The following HDAC9 variants were observed in gnomAD, a reference collection of about 807,000 sequenced individuals.
The protein encoded by HDAC9 is histone deacetylase 9, also known as MEF-2 interacting transcription repressor (MITR) protein.
Under a neutral mutation model 139.4 loss-of-function variants are expected in HDAC9, and 41 were observed. The ratio of observed to expected loss-of-function variants is 0.29; its 90% CI spans 0.23 to 0.38. HDAC9 has a LOEUF of 0.38. Among genes scored for constraint, HDAC9 ranks in the 10% least tolerant of loss-of-function variants. The probability of loss-of-function intolerance (pLI) is 1.00; values close to 1 mark genes in which losing one functional copy is unlikely to be tolerated. For missense variants in HDAC9, 1,147 were observed against 1,297.0 expected (o/e 0.88, Z 1.78); for synonymous variants, 517 against 476.2 (o/e 1.09, Z -1.12).
chr7:18,959,474 C>T (rs140394148), intron 24 of HDAC9, among the ~76,000 whole-genome samples: 1 of 152,248 alleles, frequency 6.6e-6, no homozygotes, highest in East Asian at 1.9e-4. Flanking sequence ...GAAACATATA[C>T]ATGCACAAGG....
At position 18,568,026 on chromosome 7, in the gene HDAC9, G is replaced by GTGTA. The variant is rs1384273199; in HGVS notation, c.23-17254_23-17253insGTAT. Reference sequence around the variant, plus strand: ...TTATACATACAGGATATATGTATATGTATATATATATATATATATATATAT... The same window carrying GTGTA: ...TTATACATACAGGATATATGTATATGTGTATATATATATATATATATATATATAT... On this transcript the variant is annotated intron_variant, in intron 2 of 25. Coordinates refer to ENST00000686413, the MANE Select transcript of HDAC9 (RefSeq NM_178425.4). Among the ~76,000 whole-genome samples the GTGTA allele has an allele frequency of 1.3e-3, 168 of 126,806 alleles. 2 individuals carry two copies. The South Asian group carries it at 0.034, about 26-fold the overall frequency. 83.2% of individuals were successfully genotyped at this position (126,806 alleles called of 152,430 possible).
chr7:18,232,743 A>T (rs1793547779), intron 2 of HDAC9, among the ~76,000 whole-genome samples: 1 of 152,220 alleles, frequency 6.6e-6, no homozygotes, highest in South Asian at 2.1e-4. Context: ...GTTCAGGGAC[A>T]CAGGTTGTTG....
chr7:18,206,930 C>CTTTTT (rs58248823), intron 2 of HDAC9, among the ~76,000 whole-genome samples: 12 of 124,544 alleles, frequency 9.6e-5, no homozygotes, highest in African/African-American at 1.2e-4. Context: ...GATATCTTTT[C>CTTTTT]TTTTTTTTTT....
chr7:18,698,715 T>C (rs1783238040), intron 12 of HDAC9, among the ~76,000 whole-genome samples: 1 of 152,204 alleles, frequency 6.6e-6, no homozygotes, highest in African/African-American at 2.4e-5. Flanking sequence ...CCCTGTCCAA[T>C]GGAAGTGACT....
At chr7:18,881,665 T>C (rs1480300638) in intron 22 of HDAC9, among the ~76,000 whole-genome samples, 1 of 152,162 alleles carries the variant, frequency 6.6e-6, no homozygotes, top group Non-Finnish European at 1.5e-5. Context: ...ACTTAAATGC[T>C]TCACTAATTA....
intron 21 of HDAC9, among the ~76,000 whole-genome samples, chr7:18,860,655 G>A (rs764469681): frequency 5.3e-4 from 80 of 151,560 alleles, no homozygotes; most frequent in Non-Finnish European, 9.3e-4. Context: ...GATAAAATTA[G>A]AAGGAAATAA....
At chr7:18,183,291 G>C (rs1192380618) in intron 2 of HDAC9, among the ~76,000 whole-genome samples, 1 of 152,174 alleles carries the variant, frequency 6.6e-6, no homozygotes, top group East Asian at 1.9e-4. Context: ...TTACAGGCGT[G>C]AGCCACGGCG....
At chr7:18,870,771 T>C (rs1415284626) in intron 21 of HDAC9, among the ~76,000 whole-genome samples, 1 of 152,120 alleles carries the variant, frequency 6.6e-6, no homozygotes, top group East Asian at 1.9e-4. Context: ...ACTCCTAGGC[T>C]CAAACAATCC....
intron 25 of HDAC9, among the ~76,000 whole-genome samples, chr7:18,994,291 G>GTAT (rs1406327791): frequency 4.6e-5 from 7 of 152,190 alleles, no homozygotes; most frequent in South Asian, 2.1e-4. Context: ...TTCTATAACT[G>GTAT]TATTATTCAC....
Position 18,585,505 on chromosome 7 carries a change from C to G in HDAC9, c.247C>G (p.Leu83Val). The G allele has an allele frequency of 6.2e-7, 1 of 1,613,738 alleles. No individual in the cohort carries two copies. The highest frequency in any genetic ancestry group is 8.5e-7 in the Non-Finnish European group (1 of 1,179,764). Residue 83 changes from leucine (L) to valine (V), a missense_variant, in exon 3 of 26, where the codon CTT (leucine) becomes GTT (valine). By Grantham distance (32) the Leu-to-Val change is conservative (BLOSUM62 1). Around this residue, in one of 7 missense-constraint regions of HDAC9, gnomAD observed 136 missense variants for 183.5 expected, o/e 0.74. Transcript: ENST00000686413. ...CTTGACACGGCAGCACCAGGCTCAG[C>G]TTCAGGAGCATATCAAGGTAGCAAA... ...ENLTRQHQAQLQEHIKLQQEL... is the reference protein window; with the variant it reads ...ENLTRQHQAQVQEHIKLQQEL...
chr7:18,862,841 T>C (rs1798216131), intron 21 of HDAC9, among the ~76,000 whole-genome samples: 1 of 152,204 alleles, frequency 6.6e-6, no homozygotes, highest in African/African-American at 2.4e-5. Context: ...GCTATGTAGA[T>C]TCAGGAGAAT....
chr7:18,432,833 C>A (rs1790806164), intron 1 of HDAC9, among the ~76,000 whole-genome samples: 5 of 152,030 alleles, frequency 3.3e-5, no homozygotes, highest in Admixed American at 3.3e-4. Flanking sequence ...TGCCTGTAGT[C>A]CCAGCTACTC....
At chr7:18,905,272 C>G (rs1260594571) in intron 22 of HDAC9, among the ~76,000 whole-genome samples, 1 of 152,226 alleles carries the variant, frequency 6.6e-6, no homozygotes, top group African/African-American at 2.4e-5. Flanking sequence ...CTGTTGTAAG[C>G]TGTGGCCTTG....
intron 1 of HDAC9, among the ~76,000 whole-genome samples, chr7:18,311,643 G>T (rs939473798): frequency 1.3e-5 from 2 of 152,014 alleles, no homozygotes; most frequent in Non-Finnish European, 2.9e-5. Context: ...CAAAGCCCTC[G>T]CTCATAGTAC....
intron 1 of HDAC9, among the ~76,000 whole-genome samples, chr7:18,422,822 T>G (rs1789764234): frequency 6.6e-6 from 1 of 151,972 alleles, no homozygotes; most frequent in Admixed American, 6.6e-5. Flanking sequence ...AAGGTTATTT[T>G]TTTCCCCTCT....
intron 1 of HDAC9, among the ~76,000 whole-genome samples, chr7:18,155,978 C>G (rs891910681): frequency 1.3e-5 from 2 of 152,132 alleles, no homozygotes; most frequent in African/African-American, 4.8e-5. Context: ...GTCCCCAGAA[C>G]CCCCAGAGTC....
intron 2 of HDAC9, chr7:18,162,444 C>T: frequency 1.6e-5 from 15 of 941,014 alleles, no homozygotes; most frequent in Admixed American, 6.1e-5. Context: ...TATGAAGGAA[C>T]TTTTTTTTTT....
chr7:18,793,927 C>T (rs1792554634), intron 17 of HDAC9, among the ~76,000 whole-genome samples: 1 of 151,926 alleles, frequency 6.6e-6, no homozygotes, highest in South Asian at 2.1e-4. Flanking sequence ...GGGTAATGAT[C>T]CAGAGTGTGT....
At chr7:18,340,264 T>C (rs950515001) in intron 1 of HDAC9, among the ~76,000 whole-genome samples, 1 of 151,574 alleles carries the variant, frequency 6.6e-6, no homozygotes, top group Admixed American at 6.6e-5. Flanking sequence ...TGAGTCATAT[T>C]TATAATGAGT....
Sources: gnomAD v4.1 joint callset for allele counts (sites outside exome capture counted in the v4.1 genomes callset) on GRCh38, gnomAD v4.1.1 for gene constraint, gnomAD v4.1.1 regional missense constraint, MANE v1.5 for transcripts, NCBI Gene and HGNC (gene_info 2026-07-23, HGNC 2026-07-21) for gene names.